The following TRPC5 variants were observed in gnomAD, a reference collection of about 807,000 sequenced individuals.
TRPC5 encodes the protein short transient receptor potential channel 5.
TRPC5 carries 9 observed loss-of-function variants against 56.5 expected under a neutral mutation model. The observed-to-expected ratio is 0.16, with a 90% CI of 0.10 to 0.28. TRPC5 has a LOEUF of 0.28. Ranked by LOEUF, TRPC5 falls within the 10% of genes least tolerant of loss-of-function variation. The pLI, the probability that TRPC5 is intolerant of heterozygous loss-of-function variation, is 1.00. For missense variants in TRPC5, 469 were observed against 748.9 expected, an observed-to-expected ratio of 0.63 and a Z score of 4.36; for synonymous variants, 282 against 278.5, an observed-to-expected ratio of 1.01 and a Z score of -0.13.
chrX:111,821,294 CAG>C (rs1922021841), intron 7 of TRPC5, among the ~76,000 whole-genome samples: 1 of 111,635 alleles, frequency 9.0e-6, no homozygotes, highest in Non-Finnish European at 1.9e-5. Flanking sequence ...CAGAACAAAA[CAG>C]AGGAAAAAGC....
At chrX:111,963,685 G>C (rs936211027) in intron 1 of TRPC5, among the ~76,000 whole-genome samples, 1 of 111,892 alleles carries the variant, frequency 8.9e-6, no homozygotes, top group Admixed American at 9.5e-5. Context: ...CTGTTCTACA[G>C]CCACCGCTGC....
chrX:112,008,474 C>G (rs367668873), intron 1 of TRPC5, among the ~76,000 whole-genome samples: 2 of 109,698 alleles, frequency 1.8e-5, no homozygotes, highest in African/African-American at 6.6e-5. Flanking sequence ...GTGGTGGGTG[C>G]CTGTAGTCCC....
At chrX:111,906,369 A>C (rs6642965) in intron 3 of TRPC5, among the ~76,000 whole-genome samples, 1 of 105,021 alleles carries the variant, frequency 9.5e-6, no homozygotes. Context: ...AACAAAAAAC[A>C]AAAAAAAGGT....
intron 2 of TRPC5, among the ~76,000 whole-genome samples, chrX:111,914,889 C>G (rs1925928404): frequency 9.0e-6 from 1 of 111,549 alleles, no homozygotes; most frequent in Admixed American, 9.5e-5. Flanking sequence ...AAGAAGCGAG[C>G]TCAGATGAGA....
At chrX:111,833,717 G>A (rs1476502274) in intron 7 of TRPC5, among the ~76,000 whole-genome samples, 1 of 110,806 alleles carries the variant, frequency 9.0e-6, no homozygotes, top group African/African-American at 3.3e-5. Context: ...TGGACAATGT[G>A]CATGTATGGG....
chrX:111,799,209 T>G (rs2148559194), intron 7 of TRPC5, among the ~76,000 whole-genome samples: 1 of 111,172 alleles, frequency 9.0e-6, no homozygotes, highest in African/African-American at 3.3e-5. Context: ...TCTATGAACC[T>G]TTTAACCCCT....
chrX:111,788,363 C>A lies in TRPC5; in HGVS notation c.1897-6225G>T, dbSNP rs754572778. On this transcript the variant is annotated intron_variant, in intron 7 of 10. Coordinates refer to ENST00000262839, the MANE Select transcript of TRPC5 (RefSeq NM_012471.3). ...AAAAGGCCTTCAACAAAATTCAACA[C>A]CCTTTCATGCTAAAAACTCTCAATA... is the stretch of plus-strand genomic sequence containing the variant. 3.7e-4 allele frequency among the ~76,000 whole-genome samples: 41 copies of A among 111,587 alleles called. 1 individual carries two copies. The South Asian group carries it at 0.013, about 35-fold the overall frequency.
chrX:111,936,039 C>T (rs1926562850), intron 2 of TRPC5, among the ~76,000 whole-genome samples: 1 of 111,878 alleles, frequency 8.9e-6, no homozygotes, highest in Non-Finnish European at 1.9e-5. Flanking sequence ...CTATAGATTG[C>T]ATTGGGCAGT....
chrX:111,919,431 G>A (rs991241290), intron 2 of TRPC5, among the ~76,000 whole-genome samples: 3 of 111,732 alleles, frequency 2.7e-5, no homozygotes, highest in Non-Finnish European at 5.6e-5. Context: ...CACTCTTTAG[G>A]TCTGTGCCAT....
At chrX:111,978,988 C>G (rs994313278) in intron 1 of TRPC5, among the ~76,000 whole-genome samples, 2 of 111,170 alleles carry the variant, frequency 1.8e-5, no homozygotes, top group African/African-American at 3.3e-5. Flanking sequence ...GCAAAGATAT[C>G]CACTCTTGCA....
chrX:111,891,614 C>T (rs150958857), intron 3 of TRPC5, among the ~76,000 whole-genome samples: 6,029 of 111,401 alleles, frequency 0.054, 394 homozygotes, highest in African/African-American at 0.19. Context: ...GATCTCAGCT[C>T]ACTGCAACCT....
At chrX:111,944,992 G>A (rs890749337) in intron 2 of TRPC5, among the ~76,000 whole-genome samples, 3 of 110,999 alleles carry the variant, frequency 2.7e-5, no homozygotes, top group Admixed American at 9.7e-5. Flanking sequence ...AGAGAGGTAC[G>A]TGGACCTCTT....
chrX:112,044,014 G>A (rs7887007), intron 1 of TRPC5, among the ~76,000 whole-genome samples: 13,456 of 111,255 alleles, frequency 0.12, 686 homozygotes, highest in African/African-American at 0.16. Flanking sequence ...TTTTCTTGAA[G>A]TTATTTTATA....
At chrX:111,889,403 C>G (rs1369486852) in intron 3 of TRPC5, among the ~76,000 whole-genome samples, 3 of 112,067 alleles carry the variant, frequency 2.7e-5, no homozygotes, top group Non-Finnish European at 5.6e-5. Context: ...ATTGAGTGAG[C>G]CTGCCTTCAG....
Position 111,995,537 on chromosome X carries a change from T to C in TRPC5, c.-21-43096A>G, listed in dbSNP as rs1175587881. Among the ~76,000 whole-genome samples, 3 of 111,567 alleles carry C rather than the reference T, an allele frequency of 2.7e-5. No homozygotes were observed. In the Admixed American group the frequency reaches 2.9e-4, roughly 11 times the overall value. The stretch of plus-strand genomic sequence containing the variant: ...TTGATTGGAATAGTTTCAGAAGGAA[T>C]GGTACCAGCTCCTCTTTGTACCTCT... On this transcript the variant is annotated intron_variant, in intron 1 of 10. Transcript: ENST00000262839.
chrX:111,796,375 T>C (rs1921094070), intron 7 of TRPC5, among the ~76,000 whole-genome samples: 1 of 111,876 alleles, frequency 8.9e-6, no homozygotes, highest in African/African-American at 3.2e-5. Flanking sequence ...ATTTCTTTCC[T>C]GTATATGGGC....
intron 3 of TRPC5, among the ~76,000 whole-genome samples, chrX:111,867,745 T>C (rs746046265): frequency 1.1e-4 from 12 of 112,191 alleles, no homozygotes; most frequent in African/African-American, 3.6e-4. Flanking sequence ...GTTTAACGCC[T>C]AGTGGGCATT....
At chrX:111,910,948 T>C (rs1925798706) in intron 3 of TRPC5, among the ~76,000 whole-genome samples, 1 of 112,817 alleles carries the variant, frequency 8.9e-6, no homozygotes, top group Admixed American at 9.4e-5. Context: ...ACCAGGCTTA[T>C]TGAAATAACT....
chrX:111,882,483 A>AAGAGT (rs1453511714), intron 3 of TRPC5, among the ~76,000 whole-genome samples: 1 of 112,765 alleles, frequency 8.9e-6, no homozygotes, highest in Non-Finnish European at 1.9e-5. Flanking sequence ...ATCCTTACGA[A>AAGAGT]AGAGTAGCTG....
Sources: gnomAD v4.1 joint callset for allele counts (sites outside exome capture counted in the v4.1 genomes callset) on GRCh38, gnomAD v4.1.1 for gene constraint, MANE v1.5 for transcripts, NCBI Gene and HGNC (gene_info 2026-07-23, HGNC 2026-07-21) for gene names.